MAMLD1: variants seen among roughly 807,000 people sequenced by gnomAD.
MAMLD1 encodes mastermind like domain containing 1, also known as mastermind-like domain-containing protein 1.
MAMLD1 carries 14 observed loss-of-function variants against 45.0 expected under a neutral mutation model. The observed-to-expected ratio is 0.31, with a 90% CI of 0.21 to 0.49. The LOEUF is 0.49. Ranked by LOEUF, MAMLD1 falls within the 20% of genes least tolerant of loss-of-function variation. MAMLD1 has a pLI of 0.99. For synonymous variants in MAMLD1, 254 were observed against 247.8 expected (o/e 1.02, Z -0.24); for missense variants, 543 against 603.6 (o/e 0.90, Z 1.05).
At chrX:150,399,641 A>G (rs1207820036) in intron 1 of MAMLD1, among the ~76,000 whole-genome samples, 1 of 111,247 alleles carries the variant, frequency 9.0e-6, no homozygotes, top group African/African-American at 3.3e-5. Context: ...GAGAGATAGG[A>G]GTGATGCATC....
In MAMLD1 at chrX:150,470,427, T is replaced by G. The variant is rs1347720259; in HGVS notation, c.854T>G (p.Val285Gly). 1.2e-5 allele frequency: 15 copies of G among 1,210,425 alleles called. No individual in the cohort carries two copies. The highest frequency in any genetic ancestry group is 1.7e-5 in the Non-Finnish European group (15 of 895,330). Residue 285 changes from valine to glycine, a missense_variant, in exon 4 of 8, where the codon GTC (valine) becomes GGC (glycine). Physicochemically the swap from Val to Gly is moderately radical, Grantham distance 109. Transcript: ENST00000370401. Reference sequence around the variant, plus strand: ...TCAATGGCACAGTCCAAGAGCCAGGTCCAGGCCATGCTCCCTGTCGCTCTG... The same window carrying G: ...TCAATGGCACAGTCCAAGAGCCAGGGCCAGGCCATGCTCCCTGTCGCTCTG... The part of the protein sequence containing the change: ...SSSMAQSKSQ[V>G]QAMLPVALPP...
chrX:150,499,388 T>G (rs782042568), intron 5 of MAMLD1, among the ~76,000 whole-genome samples: 2 of 111,670 alleles, frequency 1.8e-5, no homozygotes, highest in East Asian at 5.6e-4. Context: ...ATTGGGCCAA[T>G]ATCCAATCTC....
chrX:150,492,082 G>C (rs2037205365), intron 5 of MAMLD1, among the ~76,000 whole-genome samples: 1 of 112,955 alleles, frequency 8.9e-6, no homozygotes, highest in Non-Finnish European at 1.9e-5. Flanking sequence ...AGAGCCTTTG[G>C]ATTGAAGCCA....
chrX:150,443,360 C>T (rs1252719787), intron 1 of MAMLD1, among the ~76,000 whole-genome samples: 2 of 105,288 alleles, frequency 1.9e-5, no homozygotes, highest in Non-Finnish European at 3.9e-5. Context: ...TCCAGGATAT[C>T]TTCTCTCTGT....
chrX:150,454,544 A>G (rs1557405222), intron 2 of MAMLD1, among the ~76,000 whole-genome samples: 1 of 112,204 alleles, frequency 8.9e-6, no homozygotes, highest in East Asian at 2.8e-4. Context: ...TCCAGGTAAG[A>G]AAAAGATAAT....
chrX:150,372,376 T>C (rs1478630276), intron 1 of MAMLD1, among the ~76,000 whole-genome samples: 1 of 111,532 alleles, frequency 9.0e-6, no homozygotes, highest in Non-Finnish European at 1.9e-5. Flanking sequence ...GTTTGGCTCT[T>C]AATGAGATCT....
chrX:150,507,615 G>T (rs1557408896), intron 6 of MAMLD1, among the ~76,000 whole-genome samples: 1 of 112,342 alleles, frequency 8.9e-6, no homozygotes, highest in Non-Finnish European at 1.9e-5. Context: ...CAGGCTGGGT[G>T]TCAGCAGCGC....
chrX:150,384,985 A>G (rs1261882406), intron 1 of MAMLD1, among the ~76,000 whole-genome samples: 1 of 110,975 alleles, frequency 9.0e-6, no homozygotes, highest in Non-Finnish European at 1.9e-5. Context: ...GGAACAATGC[A>G]GTACTACTAA....
rs182821517 is a variant in MAMLD1, at chrX:150,503,141, G to T, written c.2041-133G>T. 5.4e-4 allele frequency: 319 copies of T among 589,655 alleles called. 1 individual carries two copies. The African/African-American group carries it at 6.5e-3, about 12-fold the overall frequency. The allele number at this position is 589,655 out of a possible 1,213,427, so 48.6% of individuals were successfully genotyped here. A position where few individuals can be genotyped will look rare whatever the true frequency, so the allele number is the denominator to read the frequency against. ...TAAGATCACAAAGCTGTTTGGTTTC[G>T]TTCCACCAAAGCAGTTGGTGGGTAT... On this transcript the variant is annotated intron_variant, in intron 5 of 7. Transcript: ENST00000370401.
chrX:150,410,735 T>C (rs1374859141), intron 1 of MAMLD1, among the ~76,000 whole-genome samples: 1 of 112,032 alleles, frequency 8.9e-6, no homozygotes, highest in East Asian at 2.8e-4. Flanking sequence ...GATGAGGAAA[T>C]AGATAAACAC....
At chrX:150,370,840 G>A (rs2031925868) in intron 1 of MAMLD1, among the ~76,000 whole-genome samples, 1 of 112,048 alleles carries the variant, frequency 8.9e-6, no homozygotes, top group Non-Finnish European at 1.9e-5. Flanking sequence ...CCCGGGGGAG[G>A]GAATAGCAAG....
At position 150,494,122 on chromosome X, in the gene MAMLD1, A is replaced by G. The variant is rs6526105; in HGVS notation, c.2041-9152A>G. On this transcript the variant is annotated intron_variant, in intron 5 of 7. Transcript: ENST00000370401. The stretch of plus-strand genomic sequence containing the variant: ...TAAGGAAGTAAAAAATGGGCCGGGC[A>G]CGGTGGCTCAAGCCTGTAATCCCAG... 6.4e-3 allele frequency among the ~76,000 whole-genome samples: 721 copies of G among 112,278 alleles called. 26 individuals are homozygous for G. In the East Asian group the frequency reaches 0.15, roughly 23 times the overall value.
At chrX:150,442,064 T>G (rs782530166) in intron 1 of MAMLD1, among the ~76,000 whole-genome samples, 148 of 110,034 alleles carry the variant, frequency 1.3e-3, no homozygotes, top group African/African-American at 4.6e-3. Context: ...TTTTTTTTTT[T>G]GCTCTGAAGT....
intron 1 of MAMLD1, among the ~76,000 whole-genome samples, chrX:150,434,741 A>T (rs1000042822): frequency 1.8e-5 from 2 of 111,764 alleles, no homozygotes; most frequent in Non-Finnish European, 3.8e-5. Flanking sequence ...TTTAGCATTG[A>T]TTTCTTTTTT....
At chrX:150,394,431 T>C (rs1011078075) in intron 1 of MAMLD1, among the ~76,000 whole-genome samples, 3 of 110,715 alleles carry the variant, frequency 2.7e-5, no homozygotes, top group Non-Finnish European at 5.7e-5. Flanking sequence ...TTCTGGATCT[T>C]TTGCCTCTCC....
rs151164752 is a variant in MAMLD1, at chrX:150,396,149, A to ATTTTTTT, written c.-64+32641_-64+32647dup. On this transcript the variant is annotated intron_variant, in intron 1 of 7. Coordinates refer to ENST00000370401, the MANE Select transcript of MAMLD1 (RefSeq NM_005491.5). Reference sequence around the variant, plus strand: ...AGGCATGCACCACCATACCTGGCTAATTTTTTTTTTTTTTTTTTTTTTTTT... The same window carrying ATTTTTTT: ...AGGCATGCACCACCATACCTGGCTAATTTTTTTTTTTTTTTTTTTTTTTTTTTTTTTT... Among the ~76,000 whole-genome samples, 76 of 39,255 alleles carry ATTTTTTT rather than the reference A, an allele frequency of 1.9e-3. 1 individual carries two copies. Among genetic ancestry groups the ATTTTTTT allele is most frequent in the Non-Finnish European group, 2.6e-3 (57 of 21,860 alleles). 34.1% of individuals were successfully genotyped at this position (39,255 alleles called of 115,157 possible). A position where few individuals can be genotyped will look rare whatever the true frequency, so the allele number is the denominator to read the frequency against.
At chrX:150,366,763 C>T (rs1402776381) in intron 1 of MAMLD1, among the ~76,000 whole-genome samples, 1 of 111,324 alleles carries the variant, frequency 9.0e-6, no homozygotes, top group Non-Finnish European at 1.9e-5. Context: ...TGCCCTCTCC[C>T]GGTGCCTGCC....
chrX:150,433,560 C>T (rs1307757482), intron 1 of MAMLD1, among the ~76,000 whole-genome samples: 3 of 111,445 alleles, frequency 2.7e-5, no homozygotes, highest in Non-Finnish European at 5.7e-5. Context: ...ATAGATGGCT[C>T]TTATTATTTT....
chrX:150,506,548 G>C (rs60027695), intron 6 of MAMLD1, among the ~76,000 whole-genome samples: 1 of 111,936 alleles, frequency 8.9e-6, no homozygotes, highest in Non-Finnish European at 1.9e-5. Context: ...AGGAACTTCA[G>C]CCCGAATCCG....
Sources: gnomAD v4.1 joint callset for allele counts (sites outside exome capture counted in the v4.1 genomes callset) on GRCh38, gnomAD v4.1.1 for gene constraint, MANE v1.5 for transcripts, NCBI Gene and HGNC (gene_info 2026-07-23, HGNC 2026-07-21) for gene names.